Variants in THRAP3 observed in about 807,000 individuals in gnomAD.
THRAP3 encodes thyroid hormone receptor associated protein 3, also known as thyroid hormone receptor-associated protein 3.
A neutral mutation model predicts 101.0 loss-of-function variants in THRAP3; 16 were observed. That is an observed-to-expected ratio of 0.16 (90% CI 0.11 to 0.24). THRAP3 has a LOEUF of 0.24. THRAP3 is among the 10% of genes least tolerant of loss of function. THRAP3 has a pLI of 1.00. For missense variants in THRAP3, 989 were observed against 1,202.7 expected (o/e 0.82, Z 2.63); for synonymous variants, 407 against 422.6 (o/e 0.96, Z 0.45).
chr1:36,210,295 G>A, the THRAP3 span, among the ~76,000 whole-genome samples: 1 of 151,268 alleles, frequency 6.6e-6, no homozygotes, highest in African/African-American at 2.4e-5. Context: ...GAACCCGGGA[G>A]GCGGAGCTTG....
At chr1:36,296,054 A>G (rs563936341) in intron 8 of THRAP3, among the ~76,000 whole-genome samples, 1 of 136,910 alleles carries the variant, frequency 7.3e-6, no homozygotes, top group African/African-American at 2.8e-5. Flanking sequence ...GCTCACTGCA[A>G]CCTCCACCTC....
upstream of THRAP3, among the ~76,000 whole-genome samples, chr1:36,223,948 A>C (rs1282364696): frequency 6.6e-6 from 1 of 152,144 alleles, no homozygotes; most frequent in Non-Finnish European, 1.5e-5. Flanking sequence ...TGGGGTAGAA[A>C]TTACAAGTCT....
At chr1:36,248,281 A>G (rs375726504) in intron 1 of THRAP3, among the ~76,000 whole-genome samples, 72 of 151,604 alleles carry the variant, frequency 4.7e-4, no homozygotes, top group African/African-American at 1.6e-3. Context: ...CCATATCTTT[A>G]TTTGTTGGTG....
the THRAP3 span, among the ~76,000 whole-genome samples, chr1:36,212,877 G>C: frequency 7.9e-5 from 12 of 152,130 alleles, no homozygotes; most frequent in African/African-American, 2.7e-4. Context: ...TCTGACAAAC[G>C]CAGTTGGTGT....
At chr1:36,223,350 A>G (rs895929378), upstream of THRAP3, among the ~76,000 whole-genome samples, 1 of 152,140 alleles carries the variant, frequency 6.6e-6, no homozygotes, top group African/African-American at 2.4e-5. Context: ...AGATTTCTTT[A>G]TTAATTGATG....
At chr1:36,242,237 G>T (rs1426333727) in intron 1 of THRAP3, 1 of 152,026 alleles carries the variant, frequency 6.6e-6, no homozygotes. Context: ...ACGAACATAC[G>T]AACTCCTGGG....
At chr1:36,250,368 C>G (rs1305114767) in intron 1 of THRAP3, among the ~76,000 whole-genome samples, 2 of 151,980 alleles carry the variant, frequency 1.3e-5, no homozygotes, top group African/African-American at 4.8e-5. Flanking sequence ...CGCCCGCCAC[C>G]ACACCCAGCT....
chr1:36,239,144 T>C (rs1645125209), intron 1 of THRAP3, among the ~76,000 whole-genome samples: 1 of 151,618 alleles, frequency 6.6e-6, no homozygotes, highest in Admixed American at 6.6e-5. Flanking sequence ...GAGCTGGTGA[T>C]CCGCCCGCCT....
At chr1:36,265,121 TG>T (rs1645496858) in intron 2 of THRAP3, among the ~76,000 whole-genome samples, 1 of 152,226 alleles carries the variant, frequency 6.6e-6, no homozygotes, top group Non-Finnish European at 1.5e-5. Context: ...GATGGGTAGA[TG>T]GGTCACAACT....
the THRAP3 span, among the ~76,000 whole-genome samples, chr1:36,214,446 ACCATG>A: frequency 6.6e-6 from 1 of 152,086 alleles, no homozygotes; most frequent in Non-Finnish European, 1.5e-5. Context: ...AATACACTAG[ACCATG>A]CCATTGTCTC....
rs1646087894 is a variant in THRAP3 at position 36,305,206 on chromosome 1, GTT to G, written c.*1190_*1191del. ...CTCCCCCCCAGCCTTTGCCTCTTGC[GTT>G]GTTGTGCTGCTTTCCCCTTACTTTG... is the stretch of plus-strand genomic sequence containing the variant. On this transcript the variant is annotated 3_prime_UTR_variant, in exon 12 of 12. Transcript: ENST00000354618. 9.1e-6 allele frequency: 2 copies of G among 219,230 alleles called. No individual in the cohort carries two copies. The highest frequency in any genetic ancestry group is 1.2e-4 in the Admixed American group (2 of 17,254). The allele number at this position is 219,230 out of a possible 1,614,324, so 13.6% of individuals were successfully genotyped here. A position where few individuals can be genotyped will look rare whatever the true frequency, so the allele number is the denominator to read the frequency against.
At chr1:36,226,659 C>T (rs921235576) in intron 1 of THRAP3, among the ~76,000 whole-genome samples, 4 of 152,194 alleles carry the variant, frequency 2.6e-5, no homozygotes, top group African/African-American at 7.2e-5. Context: ...GCAAGGAAGT[C>T]TGGTTAATGC....
the THRAP3 span, among the ~76,000 whole-genome samples, chr1:36,214,789 G>A: frequency 6.6e-6 from 1 of 151,598 alleles, no homozygotes; most frequent in Non-Finnish European, 1.5e-5. Context: ...AACCCGGGAG[G>A]TGGAGATTGC....
chr1:36,298,239 T>G (rs1025732323), intron 9 of THRAP3, among the ~76,000 whole-genome samples: 1 of 152,032 alleles, frequency 6.6e-6, no homozygotes, highest in African/African-American at 2.4e-5. Flanking sequence ...GTGTTACTTA[T>G]GCATTAGGAG....
intron 2 of THRAP3, among the ~76,000 whole-genome samples, chr1:36,281,580 T>C (rs1645732161): frequency 1.3e-4 from 1 of 7,936 alleles, no homozygotes; most frequent in African/African-American, 1.6e-4. Flanking sequence ...CATTTCATCT[T>C]TTTTTTTTTT....
At chr1:36,296,072 T>A (rs1645947411) in intron 8 of THRAP3, among the ~76,000 whole-genome samples, 1 of 150,048 alleles carries the variant, frequency 6.7e-6, no homozygotes, top group Non-Finnish European at 1.5e-5. Flanking sequence ...CTCCTGGGTT[T>A]AAGCGATTCT....
chr1:36,228,426 T>TGG (rs1644987529), intron 1 of THRAP3, among the ~76,000 whole-genome samples: 3 of 152,260 alleles, frequency 2.0e-5, no homozygotes, highest in Admixed American at 2.0e-4. Context: ...TTCACCATGC[T>TGG]GGCCAGGCTG....
At chr1:36,249,193 C>CTT (rs35410710) in intron 1 of THRAP3, among the ~76,000 whole-genome samples, 105 of 117,510 alleles carry the variant, frequency 8.9e-4, no homozygotes, top group African/African-American at 3.0e-3. Context: ...AGCACAGTCC[C>CTT]TTTTTTTTTT....
intron 2 of THRAP3, among the ~76,000 whole-genome samples, chr1:36,274,088 A>AGTGTGT (rs1557437749): frequency 1.3e-4 from 19 of 141,728 alleles, no homozygotes; most frequent in African/African-American, 5.0e-4. Context: ...ACACACACAC[A>AGTGTGT]CACACACACA....
Sources: allele counts gnomAD v4.1 joint callset (sites outside exome capture counted in the v4.1 genomes callset), GRCh38; gene constraint gnomAD v4.1.1; transcripts MANE v1.5; gene names NCBI Gene and HGNC (gene_info 2026-07-23, HGNC 2026-07-21).